Variants in ADAMTS19 observed in about 807,000 individuals in gnomAD.
ADAMTS19 encodes the protein ADAM metallopeptidase with thrombospondin type 1 motif 19.
A neutral mutation model predicts 153.3 loss-of-function variants in ADAMTS19; 93 were observed. That is an observed-to-expected ratio of 0.61 (90% CI 0.51 to 0.72). The LOEUF (loss-of-function observed/expected upper bound fraction) is 0.72, where lower values mean the gene tolerates loss of function less well. ADAMTS19 is among the 30% of genes least tolerant of loss of function. The pLI, the probability that ADAMTS19 is intolerant of heterozygous loss-of-function variation, is 0.00. For synonymous variants in ADAMTS19, 600 were observed against 556.6 expected (o/e 1.08, Z -1.10); for missense variants, 1,482 against 1,552.1 (o/e 0.95, Z 0.76).
chr5:129,644,634 A>T (rs1255930442), intron 11 of ADAMTS19, among the ~76,000 whole-genome samples: 1 of 152,144 alleles, frequency 6.6e-6, no homozygotes, highest in Admixed American at 6.6e-5. Context: ...TATAATTTTC[A>T]TATTTTTCAA....
At chr5:129,539,964 T>TA (rs1335143612) in intron 6 of ADAMTS19, among the ~76,000 whole-genome samples, 1 of 152,060 alleles carries the variant, frequency 6.6e-6, no homozygotes, top group African/African-American at 2.4e-5. Flanking sequence ...ACCATTTGGT[T>TA]AATAAAGATT....
At chr5:129,488,458 A>G (rs968374267) in intron 2 of ADAMTS19, among the ~76,000 whole-genome samples, 1 of 152,038 alleles carries the variant, frequency 6.6e-6, no homozygotes, top group Admixed American at 6.6e-5. Context: ...GTTTTTTCAA[A>G]TTGTTGAGTG....
chr5:129,639,353 A>C (rs1227162064), intron 10 of ADAMTS19, among the ~76,000 whole-genome samples: 3 of 152,152 alleles, frequency 2.0e-5, no homozygotes, highest in Admixed American at 6.5e-5. Context: ...TTCTTGCCTT[A>C]CTTGTGGGAT....
intron 19 of ADAMTS19, among the ~76,000 whole-genome samples, chr5:129,695,660 C>T (rs961341411): frequency 3.6e-4 from 55 of 152,140 alleles, no homozygotes; most frequent in African/African-American, 1.3e-3. Flanking sequence ...TAAGGCTTAG[C>T]TTGATTAGGA....
chr5:129,546,915 T>A (rs991147069), intron 6 of ADAMTS19, among the ~76,000 whole-genome samples: 1 of 150,982 alleles, frequency 6.6e-6, no homozygotes, highest in Non-Finnish European at 1.5e-5. Flanking sequence ...TAAAAACACA[T>A]GAAAAATTGA....
intron 8 of ADAMTS19, among the ~76,000 whole-genome samples, chr5:129,598,514 A>G (rs1048388830): frequency 6.6e-5 from 10 of 152,218 alleles, no homozygotes; most frequent in African/African-American, 2.4e-4. Context: ...ACAAAATTAA[A>G]TATAGCAATG....
At chr5:129,719,023 C>G (rs761947449) in intron 21 of ADAMTS19, among the ~76,000 whole-genome samples, 1 of 152,100 alleles carries the variant, frequency 6.6e-6, no homozygotes, top group Non-Finnish European at 1.5e-5. Context: ...CTTGGGTAAT[C>G]TCTGTGCTGG....
At chr5:129,536,055 G>A (rs1752409588) in intron 6 of ADAMTS19, among the ~76,000 whole-genome samples, 1 of 152,218 alleles carries the variant, frequency 6.6e-6, no homozygotes, top group African/African-American at 2.4e-5. Flanking sequence ...AGCCAAAATT[G>A]ACAAATGGGA....
chr5:129,464,971 A>G (rs1005369589), intron 2 of ADAMTS19, among the ~76,000 whole-genome samples: 1 of 152,214 alleles, frequency 6.6e-6, no homozygotes, highest in Non-Finnish European at 1.5e-5. Context: ...TATAGAGAAT[A>G]CAAAAAGAAG....
intron 15 of ADAMTS19, among the ~76,000 whole-genome samples, chr5:129,662,998 G>A (rs978398747): frequency 3.4e-5 from 5 of 149,056 alleles, no homozygotes; most frequent in Non-Finnish European, 7.4e-5. Flanking sequence ...GGGTTCAAGC[G>A]GTTCTTCTGC....
intron 7 of ADAMTS19, among the ~76,000 whole-genome samples, chr5:129,566,118 A>C (rs911562238): frequency 2.6e-5 from 4 of 152,154 alleles, no homozygotes; most frequent in African/African-American, 9.6e-5. Context: ...CAAATATTGC[A>C]GTGCTTTGGG....
intron 7 of ADAMTS19, among the ~76,000 whole-genome samples, chr5:129,563,024 A>G (rs1753578694): frequency 6.6e-6 from 1 of 152,226 alleles, no homozygotes; most frequent in South Asian, 2.1e-4. Context: ...AAGCATATCC[A>G]TACACTAAAA....
In ADAMTS19 at chr5:129,704,287, A is replaced by G. The variant is rs750123284; in HGVS notation, c.3208A>G (p.Thr1070Ala). Residue 1070 changes from threonine (T) to alanine (A), a missense_variant, in exon 21 of 23, where the codon ACC becomes GCC. Thr to Ala is a moderately conservative substitution (Grantham distance 58, BLOSUM62 0). This residue lies in a region of ADAMTS19 where 616 missense variants were observed against 724.4 expected (regional missense o/e 0.85). Coordinates refer to ENST00000274487, the MANE Select transcript of ADAMTS19 (RefSeq NM_133638.6). ...CATACGTCATCGGACCGTTAGATGT[A>G]CCAACCCAAGAAAGAAGTGTGTCCT... Reference protein sequence around the residue: ...KGIRHRTVRCTNPRKKCVLST... With the variant: ...KGIRHRTVRCANPRKKCVLST... 1.9e-6 allele frequency: 3 copies of G among 1,614,124 alleles called. No individual in the cohort carries two copies. The highest frequency in any genetic ancestry group is 2.5e-6 in the Non-Finnish European group (3 of 1,180,002).
chr5:129,519,118 G>A (rs1354535822), intron 3 of ADAMTS19, among the ~76,000 whole-genome samples: 2 of 152,032 alleles, frequency 1.3e-5, no homozygotes, highest in African/African-American at 4.8e-5. Flanking sequence ...AGTCTCAAAG[G>A]TTCACCCAAA....
chr5:129,465,222 C>T (rs1366690685), intron 2 of ADAMTS19, among the ~76,000 whole-genome samples: 1 of 151,270 alleles, frequency 6.6e-6, no homozygotes, highest in East Asian at 1.9e-4. Flanking sequence ...TTAAAATCAT[C>T]TTTAAAAATT....
intron 13 of ADAMTS19, among the ~76,000 whole-genome samples, chr5:129,652,108 T>A (rs1342466355): frequency 1.3e-5 from 2 of 152,198 alleles, no homozygotes; most frequent in East Asian, 3.9e-4. Flanking sequence ...AACTTCTGAC[T>A]CTTACAAAGT....
intron 7 of ADAMTS19, among the ~76,000 whole-genome samples, chr5:129,556,171 G>C (rs1225683216): frequency 1.3e-5 from 2 of 152,160 alleles, no homozygotes. Flanking sequence ...TGGTAGGTCA[G>C]TAGGTAGGTA....
Position 129,694,824 on chromosome 5 carries a change from C to A in ADAMTS19, c.2923C>A (p.Arg975=), listed in dbSNP as rs780852099. The A allele has an allele frequency of 6.3e-7, 1 of 1,594,326 alleles. No individual in the cohort carries two copies. The highest frequency in any genetic ancestry group is 1.3e-5 in the African/African-American group (1 of 74,186). The change falls in exon 19 of 23, where the codon CGA becomes AGA. Residue 975 remains arginine (R), a synonymous_variant. Transcript: ENST00000274487. ...CTTAACCAAGCCAGAGCCACAGATTCGAAAGTGCAATGAGCAACCATGTCA... is the reference window on the plus strand; with the variant it reads ...CTTAACCAAGCCAGAGCCACAGATTAGAAAGTGCAATGAGCAACCATGTCA... ...KYLTKPEPQI[R]KCNEQPCQTR...
intron 7 of ADAMTS19, among the ~76,000 whole-genome samples, chr5:129,557,393 T>C (rs1305049518): frequency 6.6e-6 from 1 of 151,302 alleles, no homozygotes; most frequent in Non-Finnish European, 1.5e-5. Flanking sequence ...AGGCCAGGAG[T>C]TCGAAACAAG....
Sources: gnomAD v4.1 joint callset for allele counts (sites outside exome capture counted in the v4.1 genomes callset) on GRCh38, gnomAD v4.1.1 for gene constraint, gnomAD v4.1.1 regional missense constraint, MANE v1.5 for transcripts, NCBI Gene and HGNC (gene_info 2026-07-23, HGNC 2026-07-21) for gene names.